Variants in NUP153 observed in about 807,000 individuals in gnomAD.
The protein encoded by NUP153 is nuclear pore complex protein Nup153.
A neutral mutation model predicts 134.6 loss-of-function variants in NUP153; 27 were observed. The observed-to-expected ratio is 0.20, with a 90% CI of 0.15 to 0.28. The LOEUF is 0.28. Among genes scored for constraint, NUP153 ranks in the 10% least tolerant of loss-of-function variants. The pLI, the probability that NUP153 is intolerant of heterozygous loss-of-function variation, is 1.00. For synonymous variants in NUP153, 640 were observed against 623.5 expected (o/e 1.03, Z -0.40); for missense variants, 1,821 against 1,731.3 (o/e 1.05, Z -0.92).
At chr6:17,703,905 G>C (rs922890016) in intron 1 of NUP153, among the ~76,000 whole-genome samples, 2 of 152,134 alleles carry the variant, frequency 1.3e-5, no homozygotes, top group Non-Finnish European at 2.9e-5. Context: ...GCCTGAAGTC[G>C]TATCAACTCT....
intron 11 of NUP153, among the ~76,000 whole-genome samples, chr6:17,660,673 C>CAAATGTCCA (rs1767123105): frequency 6.6e-6 from 1 of 151,876 alleles, no homozygotes; most frequent in African/African-American, 2.4e-5. Context: ...AAAAAACACA[C>CAAATGTCCA]AAAAGGATGC....
At chr6:17,620,478 A>T (rs993905390) in intron 20 of NUP153, among the ~76,000 whole-genome samples, 4 of 152,156 alleles carry the variant, frequency 2.6e-5, no homozygotes. Context: ...CTCACCCTAT[A>T]CAAAAATCAA....
intron 16 of NUP153, 74 bp from the exon 17 acceptor site, chr6:17,632,918 T>A: frequency 9.2e-7 from 1 of 1,091,114 alleles, no homozygotes; most frequent in Non-Finnish European, 1.3e-6. Context: ...GTCAGTATCT[T>A]AATGGCACTG....
intron 9 of NUP153, 88 bp from the exon 10 acceptor site, chr6:17,662,158 A>C: frequency 8.4e-7 from 1 of 1,194,402 alleles, no homozygotes; most frequent in Non-Finnish European, 1.2e-6. Context: ...TTTAATATTT[A>C]GAATCAGGAA....
At chr6:17,665,684 T>C (rs1767491890) in intron 8 of NUP153, among the ~76,000 whole-genome samples, 1 of 152,078 alleles carries the variant, frequency 6.6e-6, no homozygotes, top group Non-Finnish European at 1.5e-5. Context: ...TGGAACTATA[T>C]TCAAAACAGC....
Position 17,706,142 on chromosome 6 carries a change from C to G in NUP153, c.111+135G>C, listed in dbSNP as rs941636447. ...GTCGCCACCCCCAACGGCCTGAGCT[C>G]CCCCGGAGCCTCACTCGGGCCTTTC... On this transcript the variant is annotated intron_variant, in intron 1 of 21. Transcript: ENST00000262077. This position sits in a 1 kb window ranked among gnomAD's most constrained non-coding sequence, Gnocchi z 5.9. 2 of 705,086 alleles carry G rather than the reference C, an allele frequency of 2.8e-6. No individual in the cohort carries two copies. Among genetic ancestry groups the G allele is most frequent in the Non-Finnish European group, 4.8e-6 (2 of 414,294 alleles). The allele number at this position is 705,086 out of a possible 1,614,324, so 43.7% of individuals were successfully genotyped here. A position where few individuals can be genotyped will look rare whatever the true frequency, so the allele number is the denominator to read the frequency against.
intron 2 of NUP153, among the ~76,000 whole-genome samples, chr6:17,681,859 C>T (rs571170425): frequency 2.6e-5 from 4 of 152,072 alleles, no homozygotes; most frequent in Non-Finnish European, 5.9e-5. Context: ...AATTTTCTAA[C>T]TCTTGGCAGA....
chr6:17,661,351 T>C (rs1289598883), intron 11 of NUP153, among the ~76,000 whole-genome samples: 1 of 152,194 alleles, frequency 6.6e-6, no homozygotes, highest in African/African-American at 2.4e-5. Context: ...ATCCTATTTA[T>C]GAACTTATTT....
At chr6:17,678,317 C>T (rs1055536066) in intron 2 of NUP153, among the ~76,000 whole-genome samples, 1 of 129,380 alleles carries the variant, frequency 7.7e-6, no homozygotes, top group African/African-American at 3.1e-5. Context: ...GATCTTGCCA[C>T]TGAATTCCAG....
intron 14 of NUP153, among the ~76,000 whole-genome samples, chr6:17,643,723 G>A (rs1165705950): frequency 6.6e-6 from 1 of 152,160 alleles, no homozygotes; most frequent in Admixed American, 6.5e-5. Context: ...TAGAAGTGGT[G>A]AGAACCAACG....
intron 11 of NUP153, among the ~76,000 whole-genome samples, chr6:17,653,955 T>TG (rs34751525): frequency 1.3e-5 from 2 of 152,200 alleles, no homozygotes; most frequent in East Asian, 3.8e-4. Flanking sequence ...CTGACGTATT[T>TG]GGGGGTGAAG....
intron 17 of NUP153, 109 bp from the exon 18 acceptor site, chr6:17,629,648 C>A (rs1765129940): frequency 2.1e-6 from 2 of 951,998 alleles, no homozygotes; most frequent in African/African-American, 3.4e-5. Flanking sequence ...TTGAAAGGGC[C>A]TACTTTGAAG....
chr6:17,687,843 G>C (rs949279331), intron 2 of NUP153, among the ~76,000 whole-genome samples: 1 of 152,136 alleles, frequency 6.6e-6, no homozygotes, highest in Non-Finnish European at 1.5e-5. Context: ...GGCTGGGCAC[G>C]GTGGCTCACG....
At chr6:17,696,754 CA>C (rs1460711802) in intron 1 of NUP153, among the ~76,000 whole-genome samples, 1 of 151,336 alleles carries the variant, frequency 6.6e-6, no homozygotes, top group Non-Finnish European at 1.5e-5. Context: ...GACTCCATCT[CA>C]AAAAAATAAA....
chr6:17,682,939 A>C (rs1186917489), intron 2 of NUP153, among the ~76,000 whole-genome samples: 1 of 151,678 alleles, frequency 6.6e-6, no homozygotes, highest in African/African-American at 2.4e-5. Flanking sequence ...AAAAAAAAAA[A>C]AAACACTTTC....
At chr6:17,677,003 C>G (rs1433436114) in intron 2 of NUP153, among the ~76,000 whole-genome samples, 1 of 152,174 alleles carries the variant, frequency 6.6e-6, no homozygotes, top group Non-Finnish European at 1.5e-5. Context: ...TGAGGACTCT[C>G]AAGTTTTAGG....
intron 9 of NUP153, 61 bp downstream of exon 9, chr6:17,665,178 T>C: frequency 7.9e-7 from 1 of 1,260,740 alleles, no homozygotes; most frequent in African/African-American, 1.5e-5. Flanking sequence ...TATTTTACAT[T>C]ATTTAGTCTT....
chr6:17,628,945 C>T lies in NUP153; in HGVS notation c.3254G>A (p.Gly1085Asp), dbSNP rs758751877. The T allele has an allele frequency of 5.0e-6, 8 of 1,614,140 alleles. No individual in the cohort carries two copies. The highest frequency in any genetic ancestry group is 3.3e-5 in the Admixed American group (2 of 60,016). ...TGGCAGAGAGGCAGGCTCCACGTTG[C>T]CAAAAGAGAATCCTCCTTTGGTGGC... ...MPATKGGFSFGNVEPASLPSA... is the reference protein window; with the variant it reads ...MPATKGGFSFDNVEPASLPSA... The change falls in exon 18 of 22, where the codon GGC becomes GAC. Residue 1085 changes from glycine to aspartate, a missense_variant. Coordinates refer to ENST00000262077, the MANE Select transcript of NUP153 (RefSeq NM_005124.4). This position sits in a 1 kb window ranked among gnomAD's most constrained non-coding sequence, Gnocchi z 5.4.
At position 17,693,889 on chromosome 6, in the gene NUP153, C is replaced by A. The variant is rs150495519; in HGVS notation, c.112-5271G>T. On this transcript the variant is annotated intron_variant, in intron 1 of 21. Transcript: ENST00000262077. ...ATCCCAGCACTCCCAAAGTGCACCA[C>A]CACCGCGCCTGGCCTAATACTTCTC... 3.6e-4 allele frequency among the ~76,000 whole-genome samples: 55 copies of A among 152,316 alleles called. 1 individual carries two copies. Among genetic ancestry groups the A allele is most frequent in the Non-Finnish European group, 5.9e-5 (4 of 68,026 alleles).
Sources: gnomAD v4.1 joint callset for allele counts (sites outside exome capture counted in the v4.1 genomes callset) on GRCh38, gnomAD v4.1.1 for gene constraint, Gnocchi (gnomAD v3.1) non-coding constraint, MANE v1.5 for transcripts, NCBI Gene and HGNC (gene_info 2026-07-23, HGNC 2026-07-21) for gene names.